The following DBX1 variants were observed in gnomAD, a reference collection of about 807,000 sequenced individuals.
The protein encoded by DBX1 is developing brain homeobox 1.
Under a neutral mutation model 20.8 loss-of-function variants are expected in DBX1, and 10 were observed. That is an observed-to-expected ratio of 0.48 (90% CI 0.30 to 0.82). The LOEUF is 0.82. Among genes scored for constraint, DBX1 ranks in the 40% least tolerant of loss-of-function variants. The pLI, the probability that DBX1 is intolerant of heterozygous loss-of-function variation, is 0.07. For missense variants in DBX1, 505 were observed against 468.8 expected, an observed-to-expected ratio of 1.08 and a Z score of -0.71; for synonymous variants, 241 against 213.9, an observed-to-expected ratio of 1.13 and a Z score of -1.11.
In DBX1 at chr11:20,157,211, C is replaced by T. The variant is rs905054161; in HGVS notation, c.498G>A (p.Gly166=). ...GCGCGGCCAGCGGCCAGGAGAAGGTCCCGGGGATGGGCACCACGCTGGAGG... is the reference window on the plus strand; with the variant it reads ...GCGCGGCCAGCGGCCAGGAGAAGGTTCCGGGGATGGGCACCACGCTGGAGG... The part of the protein sequence containing the change: ...PASSSVVPIP[G]TFSWPLAARG... Residue 166 remains glycine (G), a synonymous_variant, in exon 3 of 4, where the codon GGG becomes GGA. Transcript: ENST00000524983. 1.3e-6 allele frequency: 2 copies of T among 1,587,242 alleles called. No individual in the cohort carries two copies. Among genetic ancestry groups the T allele is most frequent in the East Asian group, 4.6e-5 (2 of 43,856 alleles).
In DBX1 at chr11:20,156,514, G is replaced by C; in HGVS notation, c.732C>G (p.Leu244=). The change falls in exon 4 of 4, where the codon CTC becomes CTG. Residue 244 remains leucine (L), a synonymous_variant. Transcript: ENST00000524983. This position sits in a 1 kb window ranked among gnomAD's most constrained non-coding sequence, Gnocchi z 4.8. ...MKWRNSKERE[L]LSSGGCREQT... is the part of the protein sequence containing the mutation. ...GCTCGCGACAGCCCCCGCTAGACAG[G>C]AGTTCGCGCTCCTTGGAGTTCCGCC... 6.8e-6 allele frequency: 11 copies of C among 1,614,036 alleles called. No individual in the cohort carries two copies. The highest frequency in any genetic ancestry group is 9.3e-6 in the Non-Finnish European group (11 of 1,180,030).
In DBX1 at chr11:20,156,981, C is replaced by T. The variant is rs1389479644; in HGVS notation, c.672+56G>A. On this transcript the variant is annotated intron_variant, in intron 3 of 3. Coordinates refer to ENST00000524983, the MANE Select transcript of DBX1 (RefSeq NM_001029865.4). This position sits in a 1 kb window ranked among gnomAD's most constrained non-coding sequence, Gnocchi z 4.8. The stretch of plus-strand genomic sequence containing the variant: ...CGAACCCTTGCAATTGACGGGTGCG[C>T]CGGGGAGGGGTGAAGGGCGGGGGCG... The T allele has an allele frequency of 5.4e-6, 8 of 1,477,928 alleles. No individual in the cohort carries two copies. In the African/African-American group the frequency reaches 1.0e-4, roughly 19 times the overall value. 91.6% of individuals were successfully genotyped at this position (1,477,928 alleles called of 1,614,324 possible).
At position 20,156,488 on chromosome 11, in the gene DBX1, T is replaced by C; in HGVS notation, c.758A>G (p.Gln253Arg). The change falls in exon 4 of 4, where the codon CAG (glutamine) becomes CGG (arginine). Residue 253 changes from glutamine to arginine, a missense_variant. Transcript: ENST00000524983. The surrounding 1 kb of genome is among the most constrained non-coding windows in gnomAD (Gnocchi z 4.8). Reference sequence around the variant, plus strand: ...CGGATTGAGCTTGGTGGGCAGGGTCTGCTCGCGACAGCCCCCGCTAGACAG... The same window carrying C: ...CGGATTGAGCTTGGTGGGCAGGGTCCGCTCGCGACAGCCCCCGCTAGACAG... ...ELLSSGGCRE[Q>R]TLPTKLNPHP... The C allele has an allele frequency of 1.2e-6, 2 of 1,613,894 alleles. No individual in the cohort carries two copies. Among genetic ancestry groups the C allele is most frequent in the South Asian group, 1.1e-5 (1 of 91,088 alleles).
In DBX1 at chr11:20,159,950, T is replaced by G. The variant is rs2063679611; in HGVS notation, c.367+8A>C. On this transcript the variant is annotated splice_region_variant and intron_variant, in intron 1 of 3. Transcript: ENST00000524983. The stretch of plus-strand genomic sequence containing the variant: ...TGAATGGGCCCTTAGGGTTCTGACC[T>G]CGCTTACCTGTTCTGGGCCCCGAGG... The G allele has an allele frequency of 6.2e-7, 1 of 1,614,008 alleles. No homozygotes were observed. Among genetic ancestry groups the G allele is most frequent in the African/African-American group, 1.3e-5 (1 of 75,046 alleles).
At chr11:20,159,154 C>G in intron 2 of DBX1, 37 bp downstream of exon 2, 1 of 1,468,474 alleles carries the variant, frequency 6.8e-7, no homozygotes, top group Non-Finnish European at 9.5e-7. Flanking sequence ...GCTGGGGCGC[C>G]GCCCTGCCTC....
At position 20,160,146 on chromosome 11, in the gene DBX1, G is replaced by GT; in HGVS notation, c.178dup (p.Thr60AsnfsTer188). 1 of 1,548,324 alleles carries GT rather than the reference G, an allele frequency of 6.5e-7. No individual in the cohort carries two copies. The highest frequency in any genetic ancestry group is 8.7e-7 in the Non-Finnish European group (1 of 1,145,600). The stretch of plus-strand genomic sequence containing the variant: ...CTGCCTGGGCGGCGACATGCTGGCG[G>GT]TGGGCACGCTGCGGGGCAGGTAGGC... On this transcript the variant is annotated frameshift_variant, in exon 1 of 4. Coordinates refer to ENST00000524983, the MANE Select transcript of DBX1 (RefSeq NM_001029865.4). LOFTEE classifies it high-confidence loss of function.
intron 2 of DBX1, 44 bp from the exon 3 acceptor site, chr11:20,157,283 C>T: frequency 2.0e-6 from 3 of 1,501,858 alleles, no homozygotes; most frequent in Non-Finnish European, 2.7e-6. Flanking sequence ...CGTACGCCCC[C>T]CAGTCCCAAC....
At position 20,160,056 on chromosome 11, in the gene DBX1, C is replaced by T. The variant is rs370098161; in HGVS notation, c.269G>A (p.Arg90Gln). 92 of 1,582,424 alleles carry T rather than the reference C, an allele frequency of 5.8e-5. No homozygotes were observed. The highest frequency in any genetic ancestry group is 2.3e-5 in the East Asian group (1 of 42,752). The part of the protein sequence containing the change: ...SDLGSPGPGS[R>Q]RGGSPPTAFS... ...GGCAGTCGGCGGAGAGCCGCCCCGT[C>T]GGCTGCCGGGACCCGGGGAGCCCAG... The change falls in exon 1 of 4, where the codon CGA (arginine) becomes CAA (glutamine). Residue 90 changes from arginine (R) to glutamine (Q), a missense_variant. By Grantham distance (43) the Arg-to-Gln change is conservative (BLOSUM62 1). Transcript: ENST00000524983.
In DBX1 at chr11:20,157,138, C is replaced by G. The variant is rs768885730; in HGVS notation, c.571G>C (p.Val191Leu). ...ATCTTCTCCAGCGCCTTCCGCTGCA[C>G]GTCGGAGAAGACTGCTCGACGCAGC... ...GMLRRAVFSDVQRKALEKMFQ... is the reference protein window; with the variant it reads ...GMLRRAVFSDLQRKALEKMFQ... Residue 191 changes from valine (V) to leucine (L), a missense_variant, in exon 3 of 4, where the codon GTG (valine) becomes CTG (leucine). By Grantham distance (32) the Val-to-Leu change is conservative. Transcript: ENST00000524983. 3 of 1,613,282 alleles carry G rather than the reference C, an allele frequency of 1.9e-6. No homozygotes were observed. The South Asian group carries it at 3.3e-5, about 18-fold the overall frequency.
chr11:20,159,626 T>TA (rs532548286), intron 1 of DBX1, among the ~76,000 whole-genome samples: 18,555 of 76,978 alleles, frequency 0.24, 1,282 homozygotes, highest in African/African-American at 0.26. Context: ...CATATTGAGT[T>TA]TAAAAAAAAA....
chr11:20,159,132 C>T (rs902288596), intron 2 of DBX1, 59 bp downstream of exon 2: 3 of 1,202,658 alleles, frequency 2.5e-6, no homozygotes, highest in African/African-American at 3.0e-5. Context: ...GAGCAGGGAG[C>T]GATGGGCCGG....
rs535028740 is a variant in DBX1 at position 20,156,223 on chromosome 11, G to C, written c.1023C>G (p.Thr341=). Residue 341 remains threonine (T), a synonymous_variant, in exon 4 of 4, where the codon ACC becomes ACG. Coordinates refer to ENST00000524983, the MANE Select transcript of DBX1 (RefSeq NM_001029865.4). The surrounding 1 kb of genome is among the most constrained non-coding windows in gnomAD (Gnocchi z 4.8). ...GGCGTGCGAGCGGCTTCTAGGACAC[G>C]GTGATTTCCTCCTGTTCCTCGCCCT... ...EEEGEEQEEI[T]VS is the part of the protein sequence containing the mutation. The C allele has an allele frequency of 7.2e-6, 11 of 1,518,080 alleles. No individual in the cohort carries two copies. The highest frequency in any genetic ancestry group is 1.3e-5 in the South Asian group (1 of 75,000). 94.0% of individuals were successfully genotyped at this position (1,518,080 alleles called of 1,614,324 possible).
intron 2 of DBX1, among the ~76,000 whole-genome samples, chr11:20,158,710 GC>G (rs2063672962): frequency 6.6e-6 from 1 of 152,014 alleles, no homozygotes; most frequent in Non-Finnish European, 1.5e-5. Flanking sequence ...CTTGTGAAAA[GC>G]CCGAAGCCCT....
In DBX1 at chr11:20,160,037, C is replaced by G. The variant is rs745307504; in HGVS notation, c.288G>C (p.Pro96=). 6.3e-7 allele frequency: 1 copy of G among 1,599,278 alleles called. No individual in the cohort carries two copies. Among genetic ancestry groups the G allele is most frequent in the Non-Finnish European group, 8.5e-7 (1 of 1,173,214 alleles). The change falls in exon 1 of 4, where the codon CCG becomes CCC. Residue 96 remains proline, a synonymous_variant. Transcript: ENST00000524983. ...GPGSRRGGSP[P]TAFSPASETT... is the part of the protein sequence containing the mutation. ...TCTCGCTGGCAGGGGAGAAGGCAGT[C>G]GGCGGAGAGCCGCCCCGTCGGCTGC...
chr11:20,157,247 G>T lies in DBX1; in HGVS notation c.470-8C>A. The T allele has an allele frequency of 6.4e-7, 1 of 1,551,000 alleles. No homozygotes were observed. On this transcript the variant is annotated splice_polypyrimidine_tract_variant and splice_region_variant and intron_variant, in intron 2 of 3. Transcript: ENST00000524983. ...GCACCACGCTGGAGGAAGCTGCAGG[G>T]TGGGGGGAGGTGGCGAGTGAGTGGG...
In DBX1 at chr11:20,157,340, C is replaced by A. The variant is rs559789682; in HGVS notation, c.470-101G>T. 2,938 of 1,047,910 alleles carry A rather than the reference C, an allele frequency of 2.8e-3. 12 individuals carry two copies. Among genetic ancestry groups the A allele is most frequent in the Non-Finnish European group, 3.6e-3 (2,656 of 737,778 alleles). 64.9% of individuals were successfully genotyped at this position (1,047,910 alleles called of 1,614,324 possible). On this transcript the variant is annotated intron_variant, in intron 2 of 3. Transcript: ENST00000524983. ...CTCTGATCCCTTCATCTCTTTAAAA[C>A]GCTCCTTTTTCTCCCCCTGGAGAAT...
chr11:20,159,626 T>TAA (rs532548286), intron 1 of DBX1, among the ~76,000 whole-genome samples: 2,395 of 77,026 alleles, frequency 0.031, 72 homozygotes, highest in African/African-American at 0.08. Flanking sequence ...CATATTGAGT[T>TAA]TAAAAAAAAA....
In DBX1 at chr11:20,156,862, C is replaced by T. The variant is rs934210954; in HGVS notation, c.672+175G>A. Among the ~76,000 whole-genome samples the T allele has an allele frequency of 6.6e-6, 1 of 152,218 alleles. No homozygotes were observed. Among genetic ancestry groups the T allele is most frequent in the East Asian group, 1.9e-4 (1 of 5,146 alleles). ...GAGTCGGGGTGGGGAGAGAAGAGGG[C>T]TATCCTGCGGAGCTTCGAGGGTAGT... On this transcript the variant is annotated intron_variant, in intron 3 of 3. Coordinates refer to ENST00000524983, the MANE Select transcript of DBX1 (RefSeq NM_001029865.4). The surrounding 1 kb of genome is among the most constrained non-coding windows in gnomAD (Gnocchi z 4.8).
chr11:20,159,419 C>G (rs1405455018), intron 1 of DBX1, 127 bp from the exon 2 acceptor site: 1 of 651,678 alleles, frequency 1.5e-6, no homozygotes, highest in African/African-American at 1.8e-5. Context: ...TCAAAGACAT[C>G]TTTCTTATAC....
Sources: allele counts gnomAD v4.1 joint callset (sites outside exome capture counted in the v4.1 genomes callset), GRCh38; gene constraint gnomAD v4.1.1; non-coding constraint Gnocchi (gnomAD v3.1); transcripts MANE v1.5; gene names NCBI Gene and HGNC (gene_info 2026-07-23, HGNC 2026-07-21).